CTDSPL: variants seen among roughly 807,000 people sequenced by gnomAD.
CTDSPL encodes CTD small phosphatase like, also known as CTD small phosphatase-like protein.
In CTDSPL, 8 loss-of-function variants were observed where a neutral mutation model predicts 30.5. That is an observed-to-expected ratio of 0.26 (90% confidence interval 0.15 to 0.47). The LOEUF (loss-of-function observed/expected upper bound fraction) is 0.47, where lower values mean the gene tolerates loss of function less well. CTDSPL is among the 20% of genes least tolerant of loss of function. The probability of loss-of-function intolerance (pLI) is 0.99; values close to 1 mark genes in which losing one functional copy is unlikely to be tolerated. For missense variants in CTDSPL, 248 were observed against 366.1 expected, an observed-to-expected ratio of 0.68 and a Z score of 2.63; for synonymous variants, 110 against 137.9, an observed-to-expected ratio of 0.80 and a Z score of 1.42.
At chr3:37,927,612 TAATTGTGGTTAA>T (rs1302266444) in intron 1 of CTDSPL, among the ~76,000 whole-genome samples, 1 of 150,942 alleles carries the variant, frequency 6.6e-6, no homozygotes, top group East Asian at 1.9e-4. Context: ...TTTTTTTGTT[TAATTGTGGTTAA>T]AAGAAAAATA....
At chr3:37,926,037 A>G (rs1326099807) in intron 1 of CTDSPL, among the ~76,000 whole-genome samples, 1 of 152,256 alleles carries the variant, frequency 6.6e-6, no homozygotes, top group African/African-American at 2.4e-5. Flanking sequence ...AGTAGCTGAC[A>G]TATAGTAAAT....
At chr3:37,878,807 A>G (rs1182625211) in intron 1 of CTDSPL, among the ~76,000 whole-genome samples, 1 of 152,250 alleles carries the variant, frequency 6.6e-6, no homozygotes, top group Non-Finnish European at 1.5e-5. Flanking sequence ...AATTTCTTCT[A>G]ATACTGAGTA....
In CTDSPL at chr3:37,967,837, T is replaced by C. The variant is rs751687840; in HGVS notation, c.381T>C (p.Asn127=). 1.3e-6 allele frequency: 2 copies of C among 1,598,252 alleles called. No homozygotes were observed. Among genetic ancestry groups the C allele is most frequent in the Non-Finnish European group, 1.7e-6 (2 of 1,173,954 alleles). The change falls in exon 5 of 8, where the codon AAT becomes AAC. Residue 127 remains asparagine (N), a synonymous_variant. Transcript: ENST00000273179. ...TCTTTTTTCTCTAGCCTATTAGTAA[T>C]GCTGATTTTATTGTTCCGGTTGAAA... ...LVHSSFKPIS[N]ADFIVPVEID...
At chr3:37,964,251 G>T (rs911502628) in intron 3 of CTDSPL, among the ~76,000 whole-genome samples, 1 of 151,858 alleles carries the variant, frequency 6.6e-6, no homozygotes, top group Non-Finnish European at 1.5e-5. Context: ...AAAATGCTGG[G>T]CATTTTATTG....
intron 5 of CTDSPL, chr3:37,968,151 C>T (rs181090983): frequency 2.2e-6 from 1 of 447,902 alleles, no homozygotes; most frequent in Admixed American, 3.9e-5. Context: ...TTCCGTATCC[C>T]CCACTGGCCT....
chr3:37,945,494 C>T (rs1286321458), intron 1 of CTDSPL, among the ~76,000 whole-genome samples: 3 of 152,212 alleles, frequency 2.0e-5, no homozygotes, highest in Non-Finnish European at 2.9e-5. Context: ...TGTGAACTAT[C>T]GGGACCTACA....
chr3:37,863,936 A>G lies in CTDSPL; in HGVS notation c.79+1658A>G, dbSNP rs1697977256. ...CTGTGCCTTTCAGATGGTCTAAAAA[A>G]TTCTGCAAGAGAGTGCTCCAGGTAA... On this transcript the variant is annotated intron_variant, in intron 1 of 7. Coordinates refer to ENST00000273179, the MANE Select transcript of CTDSPL (RefSeq NM_001008392.2). Among the ~76,000 whole-genome samples, 3 of 152,326 alleles carry G rather than the reference A, an allele frequency of 2.0e-5. No homozygotes were observed. The South Asian group carries it at 6.2e-4, about 32-fold the overall frequency.
chr3:37,947,981 CA>C (rs776964401), intron 2 of CTDSPL, among the ~76,000 whole-genome samples: 98 of 152,288 alleles, frequency 6.4e-4, no homozygotes, highest in Non-Finnish European at 1.1e-3. Flanking sequence ...TTACTCAGAA[CA>C]GTTAGAAGTA....
At chr3:37,943,626 G>C (rs1699004200) in intron 1 of CTDSPL, among the ~76,000 whole-genome samples, 1 of 150,298 alleles carries the variant, frequency 6.7e-6, no homozygotes, top group Non-Finnish European at 1.5e-5. Context: ...ATGGGGAGAT[G>C]TATGCATTCA....
At chr3:37,958,544 A>G (rs1426563870) in intron 3 of CTDSPL, among the ~76,000 whole-genome samples, 4 of 152,182 alleles carry the variant, frequency 2.6e-5, no homozygotes, top group South Asian at 2.1e-4. Flanking sequence ...GCTAATTGGC[A>G]GCCACGTGCA....
At chr3:37,967,785 G>T in intron 4 of CTDSPL, 41 bp from the exon 5 acceptor site, 1 of 1,429,464 alleles carries the variant, frequency 7.0e-7, no homozygotes, top group South Asian at 1.3e-5. Flanking sequence ...GAGTTTTTTT[G>T]TTCCTTCAGA....
chr3:37,956,812 T>C (rs1050437799), intron 2 of CTDSPL, among the ~76,000 whole-genome samples: 1 of 152,222 alleles, frequency 6.6e-6, no homozygotes, highest in Non-Finnish European at 1.5e-5. Flanking sequence ...TTATTTTTGT[T>C]TTTTAATTAA....
chr3:37,872,266 T>G (rs2125588643), intron 1 of CTDSPL, among the ~76,000 whole-genome samples: 1 of 152,346 alleles, frequency 6.6e-6, no homozygotes, highest in East Asian at 1.9e-4. Flanking sequence ...ATGGCTGCTT[T>G]AAAATCTTTA....
At chr3:37,958,653 T>C (rs1313113316) in intron 3 of CTDSPL, among the ~76,000 whole-genome samples, 2 of 152,214 alleles carry the variant, frequency 1.3e-5, no homozygotes, top group Non-Finnish European at 2.9e-5. Context: ...TATAGAATTC[T>C]GGAATAAGAT....
chr3:37,925,967 T>G (rs1472435241), intron 1 of CTDSPL, among the ~76,000 whole-genome samples: 2 of 152,224 alleles, frequency 1.3e-5, no homozygotes, highest in Admixed American at 6.5e-5. Context: ...CTCTTCCCGC[T>G]GGAATCTAAG....
At chr3:37,945,069 G>C (rs1699019972) in intron 1 of CTDSPL, among the ~76,000 whole-genome samples, 1 of 150,338 alleles carries the variant, frequency 6.7e-6, no homozygotes, top group Non-Finnish European at 1.5e-5. Flanking sequence ...AGACTGCTCA[G>C]TGTCTCTGAG....
At chr3:37,953,085 T>C (rs1699128235) in intron 2 of CTDSPL, among the ~76,000 whole-genome samples, 1 of 152,256 alleles carries the variant, frequency 6.6e-6, no homozygotes, top group African/African-American at 2.4e-5. Context: ...TCTCAATATG[T>C]AATCAATAGA....
chr3:37,894,032 C>T (rs761812794), intron 1 of CTDSPL, among the ~76,000 whole-genome samples: 1 of 152,068 alleles, frequency 6.6e-6, no homozygotes, highest in Admixed American at 6.5e-5. Flanking sequence ...GTAAAGTTCA[C>T]CTTCATACTT....
At chr3:37,972,453 C>CT (rs1051864424) in intron 6 of CTDSPL, among the ~76,000 whole-genome samples, 32 of 152,290 alleles carry the variant, frequency 2.1e-4, no homozygotes, top group African/African-American at 7.5e-4. Context: ...GATCATGCCA[C>CT]TGCACTCCAC....
Sources: allele counts gnomAD v4.1 joint callset (sites outside exome capture counted in the v4.1 genomes callset), GRCh38; gene constraint gnomAD v4.1.1; transcripts MANE v1.5; gene names NCBI Gene and HGNC (gene_info 2026-07-23, HGNC 2026-07-21).